The following ZFAND3 variants were observed in gnomAD, a reference collection of about 807,000 sequenced individuals.
ZFAND3 encodes the protein AN1-type zinc finger protein 3.
ZFAND3 carries 10 observed loss-of-function variants against 29.6 expected under a neutral mutation model. The observed-to-expected ratio is 0.34, with a 90% confidence interval of 0.21 to 0.57. The LOEUF (loss-of-function observed/expected upper bound fraction) is 0.57, where lower values mean the gene tolerates loss of function less well. Among genes scored for constraint, ZFAND3 ranks in the 20% least tolerant of loss-of-function variants. The pLI is 0.86. For missense variants in ZFAND3, 230 were observed against 304.5 expected, an observed-to-expected ratio of 0.76 and a Z score of 1.82; for synonymous variants, 128 against 112.6, an observed-to-expected ratio of 1.14 and a Z score of -0.87.
intron 4 of ZFAND3, among the ~76,000 whole-genome samples, chr6:38,112,563 C>A (rs1355317208): frequency 6.6e-6 from 1 of 152,172 alleles, no homozygotes; most frequent in Non-Finnish European, 1.5e-5. Context: ...GGCAATGCTT[C>A]ACGGTAACAG....
chr6:38,081,171 TAAAG>T (rs978653850), intron 3 of ZFAND3, among the ~76,000 whole-genome samples: 4 of 151,984 alleles, frequency 2.6e-5, no homozygotes, highest in East Asian at 1.9e-4. Context: ...TTTTTTTTTT[TAAAG>T]AAAGATTATG....
intron 4 of ZFAND3, among the ~76,000 whole-genome samples, chr6:38,095,566 G>A (rs1201990266): frequency 1.3e-5 from 2 of 151,960 alleles, no homozygotes; most frequent in Non-Finnish European, 1.5e-5. Flanking sequence ...CTGTAAGCCC[G>A]CGGTGACATC....
chr6:37,934,477 G>T (rs1318739213), intron 2 of ZFAND3, among the ~76,000 whole-genome samples: 2 of 149,878 alleles, frequency 1.3e-5, no homozygotes, highest in Non-Finnish European at 3.0e-5. Flanking sequence ...GAGGTAAAGT[G>T]GACTTAAATT....
chr6:38,150,275 C>G lies in ZFAND3; in HGVS notation c.530-1960C>G, dbSNP rs74761923. 6.4e-4 allele frequency among the ~76,000 whole-genome samples: 98 copies of G among 152,332 alleles called. No homozygotes were observed. The East Asian group carries it at 0.017, about 27-fold the overall frequency. On this transcript the variant is annotated intron_variant, in intron 5 of 5. Transcript: ENST00000287218. ...TTCTCGGGAGACAGAAATTGCATCTCTGTTCTTTTCCTTAAACCCAATCCC... is the reference window on the plus strand; with the variant it reads ...TTCTCGGGAGACAGAAATTGCATCTGTGTTCTTTTCCTTAAACCCAATCCC...
intron 1 of ZFAND3, among the ~76,000 whole-genome samples, chr6:37,902,968 A>G (rs1391688339): frequency 2.0e-5 from 3 of 152,112 alleles, no homozygotes; most frequent in Non-Finnish European, 4.4e-5. Flanking sequence ...TTAAATAGTA[A>G]TAATTTCAGA....
chr6:37,976,826 GA>G (rs1372074857), intron 2 of ZFAND3, among the ~76,000 whole-genome samples: 1 of 152,040 alleles, frequency 6.6e-6, no homozygotes, highest in Non-Finnish European at 1.5e-5. Flanking sequence ...CAGCATGGGG[GA>G]AACCACCCCC....
At chr6:37,967,789 C>G (rs2127427121) in intron 2 of ZFAND3, among the ~76,000 whole-genome samples, 1 of 152,246 alleles carries the variant, frequency 6.6e-6, no homozygotes, top group Admixed American at 6.5e-5. Flanking sequence ...ATCTTTGACA[C>G]TATTTTCTCC....
intron 1 of ZFAND3, among the ~76,000 whole-genome samples, chr6:37,904,473 A>G (rs983180914): frequency 2.6e-5 from 4 of 152,196 alleles, no homozygotes; most frequent in African/African-American, 9.6e-5. Context: ...ATAAAGTATC[A>G]TTATTAGGCA....
intron 1 of ZFAND3, among the ~76,000 whole-genome samples, chr6:37,903,012 C>CA (rs758139885): frequency 2.0e-4 from 30 of 152,094 alleles, no homozygotes; most frequent in Non-Finnish European, 3.2e-4. Context: ...CAAAGCATGT[C>CA]AAGCTGTGTG....
chr6:38,029,772 G>A (rs984129696), intron 2 of ZFAND3, among the ~76,000 whole-genome samples: 42 of 152,062 alleles, frequency 2.8e-4, no homozygotes, highest in African/African-American at 8.9e-4. Context: ...GTGAAGTAAC[G>A]GCAATCCTCA....
chr6:38,153,299 A>G lies in ZFAND3; in HGVS notation c.*910A>G. On this transcript the variant is annotated 3_prime_UTR_variant, in exon 6 of 6. Transcript: ENST00000287218. Reference sequence around the variant, plus strand: ...AAAAGACATTTCATAGCCAACAAGAATCAGTAGAAGTGCTGGGAGCAGCAG... The same window carrying G: ...AAAAGACATTTCATAGCCAACAAGAGTCAGTAGAAGTGCTGGGAGCAGCAG... 1 of 985,498 alleles carries G rather than the reference A, an allele frequency of 1.0e-6. No homozygotes were observed. Among genetic ancestry groups the G allele is most frequent in the Non-Finnish European group, 1.2e-6 (1 of 829,958 alleles). 61.0% of individuals were successfully genotyped at this position (985,498 alleles called of 1,614,324 possible).
intron 3 of ZFAND3, among the ~76,000 whole-genome samples, chr6:38,077,145 T>C (rs1224508140): frequency 6.6e-6 from 1 of 151,234 alleles, no homozygotes; most frequent in Admixed American, 6.6e-5. Context: ...GGAATCCTCA[T>C]CAAGAAATTC....
intron 1 of ZFAND3, among the ~76,000 whole-genome samples, chr6:37,853,952 A>AAT (rs1005890976): frequency 2.6e-5 from 4 of 151,022 alleles, no homozygotes; most frequent in African/African-American, 9.7e-5. Context: ...TTTTTAAAAA[A>AAT]TTTTTTTTTT....
intron 2 of ZFAND3, among the ~76,000 whole-genome samples, chr6:37,976,060 A>G (rs1206182184): frequency 6.6e-6 from 1 of 152,086 alleles, no homozygotes; most frequent in African/African-American, 2.4e-5. Flanking sequence ...AAAATTTCAT[A>G]TTTTTTGTTG....
At chr6:37,907,238 A>C (rs1561929607) in intron 1 of ZFAND3, among the ~76,000 whole-genome samples, 1 of 152,008 alleles carries the variant, frequency 6.6e-6, no homozygotes, top group African/African-American at 2.4e-5. Context: ...AGCTTTACTG[A>C]GGTGTAATTT....
At chr6:37,837,508 T>C (rs1581698174) in intron 1 of ZFAND3, among the ~76,000 whole-genome samples, 1 of 146,764 alleles carries the variant, frequency 6.8e-6, no homozygotes, top group East Asian at 2.0e-4. Flanking sequence ...AGATAGTCCT[T>C]TTTTTTTTTT....
chr6:38,098,502 ATCTTTTTTTTTT>A (rs543883801), intron 4 of ZFAND3, among the ~76,000 whole-genome samples: 2 of 145,440 alleles, frequency 1.4e-5, no homozygotes, highest in African/African-American at 5.1e-5. Context: ...AGTATTGCCC[ATCTTTTTTTTTT>A]TTTTGAGACA....
intron 1 of ZFAND3, among the ~76,000 whole-genome samples, chr6:37,830,593 C>G (rs954174114): frequency 3.3e-5 from 5 of 152,230 alleles, no homozygotes; most frequent in Non-Finnish European, 7.3e-5. Context: ...ACGGGCTCTT[C>G]TGCTAAGACC....
chr6:38,018,968 G>A (rs1476203992), intron 2 of ZFAND3, among the ~76,000 whole-genome samples: 1 of 151,916 alleles, frequency 6.6e-6, no homozygotes, highest in Non-Finnish European at 1.5e-5. Flanking sequence ...CAATCTGATA[G>A]ACTTTTTTTT....
Sources: allele counts gnomAD v4.1 joint callset (sites outside exome capture counted in the v4.1 genomes callset), GRCh38; gene constraint gnomAD v4.1.1; transcripts MANE v1.5; gene names NCBI Gene and HGNC (gene_info 2026-07-23, HGNC 2026-07-21).